The following OXTR variants were observed in gnomAD, a reference collection of about 807,000 sequenced individuals.
OXTR encodes oxytocin receptor.
Under a neutral mutation model 23.9 loss-of-function variants are expected in OXTR, and 19 were observed. That is an observed-to-expected ratio of 0.80 (90% confidence interval 0.56 to 1.17). The LOEUF (loss-of-function observed/expected upper bound fraction) is 1.17, where lower values mean the gene tolerates loss of function less well. Ranked by LOEUF, OXTR falls within the 50% of genes most tolerant of loss-of-function variation. The pLI is 0.00. For synonymous variants in OXTR, 278 were observed against 250.5 expected, an observed-to-expected ratio of 1.11 and a Z score of -1.04; for missense variants, 500 against 550.7, an observed-to-expected ratio of 0.91 and a Z score of 0.92.
the OXTR span, among the ~76,000 whole-genome samples, chr3:8,741,982 C>G: frequency 6.6e-6 from 1 of 152,228 alleles, no homozygotes; most frequent in African/African-American, 2.4e-5. Context: ...CTCTCTCCAA[C>G]TGCACACAGT....
At chr3:8,755,922 A>G (rs898908969) in intron 3 of OXTR, among the ~76,000 whole-genome samples, 4 of 152,104 alleles carry the variant, frequency 2.6e-5, no homozygotes, top group African/African-American at 4.8e-5. Flanking sequence ...TCACTCAGGG[A>G]CTTCCCGGGA....
intron 3 of OXTR, among the ~76,000 whole-genome samples, chr3:8,762,681 G>A (rs376115930): frequency 1.2e-4 from 18 of 152,218 alleles, no homozygotes; most frequent in African/African-American, 3.6e-4. Flanking sequence ...GGACATGCCC[G>A]AGGATCCTCA....
chr3:8,767,415 G>T lies in OXTR; in HGVS notation c.773C>A (p.Ala258Glu), dbSNP rs1254716341. The T allele has an allele frequency of 1.9e-6, 3 of 1,609,150 alleles. No homozygotes were observed. Among genetic ancestry groups the T allele is most frequent in the African/African-American group, 2.7e-5 (2 of 74,836 alleles). ...AAGDGGRVAL[A>E]RVSSVKLISK... ...GATGAGCTTGACGCTGCTGACACGC[G>T]CCAGGGCCACGCGCCCCCCATCGCC... The change falls in exon 3 of 4, where the codon GCG becomes GAG. Residue 258 changes from alanine (A) to glutamate (E), a missense_variant. Ala to Glu is a moderately radical substitution (Grantham distance 107). Transcript: ENST00000316793.
At chr3:8,757,451 CA>C (rs1328611557) in intron 3 of OXTR, among the ~76,000 whole-genome samples, 5 of 150,056 alleles carry the variant, frequency 3.3e-5, no homozygotes, top group Non-Finnish European at 5.9e-5. Flanking sequence ...AAACAAAAAA[CA>C]AAAAAAATCA....
In OXTR at chr3:8,767,792, G is replaced by A. The variant is rs571737008; in HGVS notation, c.396C>T (p.Leu132=). 27 of 1,608,432 alleles carry A rather than the reference G, an allele frequency of 1.7e-5. No homozygotes were observed. The African/African-American group carries it at 3.2e-4, about 19-fold the overall frequency. Residue 132 remains leucine (L), a synonymous_variant, in exon 3 of 4, where the codon CTC becomes CTT. Coordinates refer to ENST00000316793, the MANE Select transcript of OXTR (RefSeq NM_000916.4). ...TGGCCAGGCAGCGGTCCAGGGACAT[G>A]AGCAGCAGCAGGTAGGTGGAGGCGA... ...GMFASTYLLL[L]MSLDRCLAIC...
chr3:8,755,328 A>T (rs1246759764), intron 3 of OXTR, among the ~76,000 whole-genome samples: 1 of 152,254 alleles, frequency 6.6e-6, no homozygotes, highest in African/African-American at 2.4e-5. Flanking sequence ...GGAAGGACAT[A>T]GGTGTATAAA....
intron 3 of OXTR, among the ~76,000 whole-genome samples, chr3:8,758,827 C>T (rs2124999787): frequency 6.6e-6 from 1 of 152,278 alleles, no homozygotes; most frequent in Admixed American, 6.5e-5. Flanking sequence ...AGAAGACAAG[C>T]CAGGGCCTTC....
rs1162342928 is a variant in OXTR, at chr3:8,751,273, C to G, written c.*1704G>C. 6.6e-6 allele frequency: 1 copy of G among 151,982 alleles called. No individual in the cohort carries two copies. Among genetic ancestry groups the G allele is most frequent in the African/African-American group, 2.4e-5 (1 of 41,348 alleles). The allele number at this position is 151,982 out of a possible 1,614,324, so 9.4% of individuals were successfully genotyped here. On this transcript the variant is annotated 3_prime_UTR_variant, in exon 4 of 4. Transcript: ENST00000316793. Reference sequence around the variant, plus strand: ...TGTTATAAGAGTTATTTATATATTCCAGATACAAGCCCCTTATCATATATA... The same window carrying G: ...TGTTATAAGAGTTATTTATATATTCGAGATACAAGCCCCTTATCATATATA...
the OXTR span, among the ~76,000 whole-genome samples, chr3:8,741,581 G>C: frequency 3.9e-5 from 6 of 152,270 alleles, no homozygotes; most frequent in East Asian, 1.2e-3. Context: ...GGATCTCAGA[G>C]AGGGAAAGTA....
Position 8,750,747 on chromosome 3 carries a change from C to A in OXTR, c.*2230G>T, listed in dbSNP as rs201363210. The A allele has an allele frequency of 6.6e-6, 1 of 152,156 alleles. No individual in the cohort carries two copies. Among genetic ancestry groups the A allele is most frequent in the African/African-American group, 2.4e-5 (1 of 41,424 alleles). 9.4% of individuals were successfully genotyped at this position (152,156 alleles called of 1,614,324 possible). A position where few individuals can be genotyped will look rare whatever the true frequency, so the allele number is the denominator to read the frequency against. The stretch of plus-strand genomic sequence containing the variant: ...TTTAGAGTCTAATAATGTTCCATTG[C>A]GTGGACAGACCACATTTTATTTCCC... On this transcript the variant is annotated 3_prime_UTR_variant, in exon 4 of 4. Transcript: ENST00000316793.
At chr3:8,763,309 G>A (rs370892935) in intron 3 of OXTR, among the ~76,000 whole-genome samples, 18 of 152,278 alleles carry the variant, frequency 1.2e-4, no homozygotes, top group African/African-American at 2.4e-4. Context: ...GCAGTGAGCC[G>A]TGCTATCCTT....
intron 3 of OXTR, among the ~76,000 whole-genome samples, chr3:8,756,453 T>A (rs2124997917): frequency 6.6e-6 from 1 of 152,310 alleles, no homozygotes; most frequent in East Asian, 1.9e-4. Flanking sequence ...CAGGTTAGCA[T>A]CCTCACAGGT....
downstream of OXTR, chr3:8,746,075 C>T (rs905333301): frequency 5.2e-5 from 29 of 559,656 alleles, no homozygotes; most frequent in Non-Finnish European, 8.9e-5. Flanking sequence ...CCCAGCCCCA[C>T]CATGATGCCC....
intron 3 of OXTR, among the ~76,000 whole-genome samples, chr3:8,759,506 C>T (rs1394520008): frequency 6.6e-6 from 1 of 152,190 alleles, no homozygotes; most frequent in Non-Finnish European, 1.5e-5. Context: ...ATGAAATTAG[C>T]AGGCAAGAGG....
chr3:8,764,044 C>T (rs936326018), intron 3 of OXTR, among the ~76,000 whole-genome samples: 1 of 152,200 alleles, frequency 6.6e-6, no homozygotes, highest in Non-Finnish European at 1.5e-5. Context: ...CCCACAAAGG[C>T]AGCCCTTGGT....
intron 3 of OXTR, among the ~76,000 whole-genome samples, chr3:8,759,918 C>T (rs867898217): frequency 1.3e-5 from 2 of 152,176 alleles, no homozygotes; most frequent in African/African-American, 4.8e-5. Flanking sequence ...ATACCTTAGA[C>T]AAGACCCAGC....
At position 8,753,270 on chromosome 3, in the gene OXTR, C is replaced by T. The variant is rs375407169; in HGVS notation, c.923-46G>A. On this transcript the variant is annotated intron_variant, in intron 3 of 3. Coordinates refer to ENST00000316793, the MANE Select transcript of OXTR (RefSeq NM_000916.4). ...GAAAGGAGAAAAGGGCATTAATTAA[C>T]ACTGGAGCCACTTCCAGACCTATCT... The T allele has an allele frequency of 1.0e-5, 16 of 1,598,086 alleles. No homozygotes were observed. The African/African-American group carries it at 2.1e-4, about 21-fold the overall frequency.
At chr3:8,760,704 G>A (rs1183110055) in intron 3 of OXTR, among the ~76,000 whole-genome samples, 2 of 152,172 alleles carry the variant, frequency 1.3e-5, no homozygotes, top group East Asian at 3.9e-4. Context: ...CAATGGACTT[G>A]GGCTTCAAAG....
downstream of OXTR, chr3:8,746,776 CCT>C (rs1163555834): frequency 6.6e-6 from 1 of 151,750 alleles, no homozygotes; most frequent in Non-Finnish European, 1.5e-5. Flanking sequence ...TCACTTCCTC[CCT>C]CCTCACACTC....
Sources: gnomAD v4.1 joint callset for allele counts (sites outside exome capture counted in the v4.1 genomes callset) on GRCh38, gnomAD v4.1.1 for gene constraint, MANE v1.5 for transcripts, NCBI Gene and HGNC (gene_info 2026-07-23, HGNC 2026-07-21) for gene names.